JARID2: variants seen among roughly 807,000 people sequenced by gnomAD.
The protein encoded by JARID2 is protein Jumonji.
Under a neutral mutation model 125.6 loss-of-function variants are expected in JARID2, and 21 were observed. The observed-to-expected ratio is 0.17, with a 90% CI of 0.12 to 0.24. The LOEUF is 0.24. JARID2 is among the 10% of genes least tolerant of loss of function. The pLI is 1.00. For synonymous variants in JARID2, 736 were observed against 661.6 expected, an observed-to-expected ratio of 1.11 and a Z score of -1.73; for missense variants, 1,303 against 1,639.6, an observed-to-expected ratio of 0.79 and a Z score of 3.55.
intron 1 of JARID2, among the ~76,000 whole-genome samples, chr6:15,363,557 G>A (rs533340040): frequency 3.9e-5 from 6 of 152,236 alleles, no homozygotes; most frequent in South Asian, 2.1e-4. Context: ...TGCCTGCTAC[G>A]TGCTGGACTC....
chr6:15,265,412 A>G lies in JARID2; in HGVS notation c.45+18828A>G, dbSNP rs567353639. On this transcript the variant is annotated intron_variant, in intron 1 of 17. Transcript: ENST00000341776. Reference sequence around the variant, plus strand: ...AAACCACGCAGTCATTTAGAGTTCCATAAGTGTAATTGAGATTTAAAGCCT... The same window carrying G: ...AAACCACGCAGTCATTTAGAGTTCCGTAAGTGTAATTGAGATTTAAAGCCT... Among the ~76,000 whole-genome samples the G allele has an allele frequency of 2.6e-5, 4 of 152,108 alleles. No homozygotes were observed. In the East Asian group the frequency reaches 7.7e-4, roughly 29 times the overall value.
chr6:15,429,447 G>A (rs1472286920), intron 3 of JARID2, among the ~76,000 whole-genome samples: 1 of 151,964 alleles, frequency 6.6e-6, no homozygotes, highest in Non-Finnish European at 1.5e-5. Flanking sequence ...TTCATATTTT[G>A]TAGAGGTTGG....
chr6:15,335,593 T>C (rs967425673), intron 1 of JARID2, among the ~76,000 whole-genome samples: 11 of 152,230 alleles, frequency 7.2e-5, no homozygotes, highest in African/African-American at 2.7e-4. Flanking sequence ...CATGGTCTTG[T>C]TGCAGTTCCC....
Position 15,507,156 on chromosome 6 carries a change from G to A in JARID2, c.2562G>A (p.Val854=), listed in dbSNP as rs1771045208. The A allele has an allele frequency of 6.2e-7, 1 of 1,612,366 alleles. No individual in the cohort carries two copies. Among genetic ancestry groups the A allele is most frequent in the Non-Finnish European group, 8.5e-7 (1 of 1,178,458 alleles). Residue 854 remains valine, a synonymous_variant, in exon 10 of 18, where the codon GTG becomes GTA. Transcript: ENST00000341776. ...AEIEQEYWRL[V]EEKDCHVAVH... Reference sequence around the variant, plus strand: ...TGCAGCAAGAGTACTGGAGGCTAGTGGAAGAGAAGGACTGCCACGTGGCAG... The same window carrying A: ...TGCAGCAAGAGTACTGGAGGCTAGTAGAAGAGAAGGACTGCCACGTGGCAG...
chr6:15,315,103 A>G (rs1251639547), intron 1 of JARID2: 1 of 152,220 alleles, frequency 6.6e-6, no homozygotes, highest in Non-Finnish European at 1.5e-5. Context: ...TATGTTTTGA[A>G]TAGTATTTTG....
intron 1 of JARID2, among the ~76,000 whole-genome samples, chr6:15,333,221 C>T (rs1384173783): frequency 6.6e-6 from 1 of 152,104 alleles, no homozygotes; most frequent in Admixed American, 6.5e-5. Context: ...CATGAGCCAC[C>T]GTGCCCGGCA....
chr6:15,404,015 A>C (rs1014313607), intron 2 of JARID2, among the ~76,000 whole-genome samples: 2 of 152,194 alleles, frequency 1.3e-5, no homozygotes, highest in Non-Finnish European at 2.9e-5. Context: ...GGCTGGTCTC[A>C]TAAGGGAAAG....
At chr6:15,278,290 C>T (rs1030841436) in intron 1 of JARID2, among the ~76,000 whole-genome samples, 18 of 149,494 alleles carry the variant, frequency 1.2e-4, no homozygotes, top group Admixed American at 3.4e-4. Flanking sequence ...AAATTTCAAT[C>T]GAAACACTGC....
At chr6:15,507,277 A>G in intron 10 of JARID2, 23 bp downstream of exon 10, 1 of 1,605,902 alleles carries the variant, frequency 6.2e-7, no homozygotes, top group Non-Finnish European at 8.5e-7. Context: ...TCTCTCGTCC[A>G]GGTTCTTGGG....
intron 2 of JARID2, among the ~76,000 whole-genome samples, chr6:15,380,757 T>C (rs1561825404): frequency 1.3e-5 from 2 of 152,142 alleles, no homozygotes; most frequent in Non-Finnish European, 2.9e-5. Context: ...TTGATGTGTG[T>C]GGAATGAAAT....
intron 1 of JARID2, among the ~76,000 whole-genome samples, chr6:15,323,047 A>G (rs1762410744): frequency 6.6e-6 from 1 of 152,200 alleles, no homozygotes; most frequent in Non-Finnish European, 1.5e-5. Flanking sequence ...TAAGGTAGCA[A>G]ACACCAGGAC....
chr6:15,273,425 G>C (rs1432324670), intron 1 of JARID2, among the ~76,000 whole-genome samples: 1 of 152,242 alleles, frequency 6.6e-6, no homozygotes, highest in African/African-American at 2.4e-5. Context: ...TTTTCAGCCA[G>C]ATGTGGTGGC....
At chr6:15,405,729 A>G (rs1175824759) in intron 2 of JARID2, among the ~76,000 whole-genome samples, 1 of 152,180 alleles carries the variant, frequency 6.6e-6, no homozygotes, top group Non-Finnish European at 1.5e-5. Context: ...AGGGGATGCC[A>G]TTTCATTATT....
At chr6:15,263,549 G>GAAAATT (rs1561754746) in intron 1 of JARID2, among the ~76,000 whole-genome samples, 2 of 151,492 alleles carry the variant, frequency 1.3e-5, no homozygotes, top group Non-Finnish European at 2.9e-5. Flanking sequence ...TCCCCAAGTT[G>GAAAATT]GTGTGAAATT....
At position 15,517,262 on chromosome 6, in the gene JARID2, C is replaced by G. The variant is rs148559500; in HGVS notation, c.3552C>G (p.Tyr1184Ter). The change falls in exon 17 of 18, where the codon TAC becomes TAG. Residue 1184 changes from tyrosine to a stop codon, truncating the protein, a stop_gained. Transcript: ENST00000341776. LOFTEE classifies it high-confidence loss of function. ...SCRGLKLMYR[Y>*]DEEQIISLVN... is the part of the protein sequence containing the mutation. ...GAGGGCTGAAGTTGATGTACCGCTA[C>G]GATGAGGTCAGTCCCTGCCCGCGGG... is the stretch of plus-strand genomic sequence containing the variant. The G allele has an allele frequency of 6.2e-7, 1 of 1,611,728 alleles. No homozygotes were observed. The highest frequency in any genetic ancestry group is 8.5e-7 in the Non-Finnish European group (1 of 1,177,828).
At chr6:15,455,406 ATCC>A (rs1768116400) in intron 4 of JARID2, among the ~76,000 whole-genome samples, 1 of 152,166 alleles carries the variant, frequency 6.6e-6, no homozygotes, top group South Asian at 2.1e-4. Flanking sequence ...AACATTCAAC[ATCC>A]TCCTTCTGGG....
In JARID2 at chr6:15,521,960, G is replaced by A. The variant is rs1224709145; in HGVS notation, c.*1709G>A. The A allele has an allele frequency of 6.6e-6, 1 of 152,190 alleles. No individual in the cohort carries two copies. Among genetic ancestry groups the A allele is most frequent in the African/African-American group, 2.4e-5 (1 of 41,456 alleles). The allele number at this position is 152,190 out of a possible 1,614,324, so 9.4% of individuals were successfully genotyped here. ...GGAGACTTCATGTGGTTTATTGCGA[G>A]TTTTTTGTTTACTTTTCAGGTTTGT... On this transcript the variant is annotated 3_prime_UTR_variant, in exon 18 of 18. Coordinates refer to ENST00000341776, the MANE Select transcript of JARID2 (RefSeq NM_004973.4).
intron 6 of JARID2, among the ~76,000 whole-genome samples, chr6:15,494,056 A>G (rs1430473135): frequency 6.6e-6 from 1 of 152,130 alleles, no homozygotes; most frequent in Non-Finnish European, 1.5e-5. Flanking sequence ...ATGGGGCCTG[A>G]GATCTGGCTC....
intron 1 of JARID2, among the ~76,000 whole-genome samples, chr6:15,319,872 A>T (rs1490855256): frequency 6.6e-6 from 1 of 152,252 alleles, no homozygotes; most frequent in African/African-American, 2.4e-5. Flanking sequence ...TGATGCAGTC[A>T]TCAAGGCTTC....
Sources: allele counts gnomAD v4.1 joint callset (sites outside exome capture counted in the v4.1 genomes callset), GRCh38; gene constraint gnomAD v4.1.1; transcripts MANE v1.5; gene names NCBI Gene and HGNC (gene_info 2026-07-23, HGNC 2026-07-21).